Variants in DSCAM observed in about 807,000 individuals in gnomAD.
The protein encoded by DSCAM is cell adhesion molecule DSCAM.
A neutral mutation model predicts 217.7 loss-of-function variants in DSCAM; 47 were observed. That is an observed-to-expected ratio of 0.22 (90% CI 0.17 to 0.28). DSCAM has a LOEUF of 0.28. Among genes scored for constraint, DSCAM ranks in the 10% least tolerant of loss-of-function variants. DSCAM has a pLI of 1.00. For missense variants in DSCAM, 2,080 were observed against 2,618.3 expected, an observed-to-expected ratio of 0.79 and a Z score of 4.49; for synonymous variants, 1,056 against 1,015.3, an observed-to-expected ratio of 1.04 and a Z score of -0.76.
At chr21:40,773,084 C>T (rs2091460362) in intron 1 of DSCAM, among the ~76,000 whole-genome samples, 2 of 152,214 alleles carry the variant, frequency 1.3e-5, no homozygotes, top group South Asian at 2.1e-4. Flanking sequence ...GAGGCCAGTC[C>T]CCAGCTGAAA....
chr21:40,835,363 T>C (rs1231527280), intron 1 of DSCAM, among the ~76,000 whole-genome samples: 1 of 152,228 alleles, frequency 6.6e-6, no homozygotes, highest in Non-Finnish European at 1.5e-5. Flanking sequence ...TATTTTAAAC[T>C]GAAATCTTCT....
chr21:40,332,389 T>G (rs2074386807), intron 8 of DSCAM, among the ~76,000 whole-genome samples: 1 of 152,216 alleles, frequency 6.6e-6, no homozygotes, highest in Admixed American at 6.5e-5. Flanking sequence ...CTCTCTTCTA[T>G]TCTTTCCCTG....
At chr21:40,086,781 G>T (rs1293032551) in intron 22 of DSCAM, among the ~76,000 whole-genome samples, 1 of 152,132 alleles carries the variant, frequency 6.6e-6, no homozygotes, top group Non-Finnish European at 1.5e-5. Flanking sequence ...TTGAGTTATG[G>T]TTAGTTCACT....
intron 10 of DSCAM, among the ~76,000 whole-genome samples, chr21:40,283,831 A>C (rs1035422371): frequency 2.6e-5 from 4 of 152,192 alleles, no homozygotes; most frequent in African/African-American, 9.7e-5. Flanking sequence ...ATGCAAGGAG[A>C]GCTTGGTCAA....
intron 3 of DSCAM, among the ~76,000 whole-genome samples, chr21:40,542,980 T>C (rs1023261144): frequency 4.6e-5 from 7 of 152,160 alleles, no homozygotes; most frequent in Admixed American, 3.3e-4. Flanking sequence ...CTGATCACAC[T>C]GTGTGGCATT....
At chr21:40,298,241 C>A (rs1193085163) in intron 9 of DSCAM, among the ~76,000 whole-genome samples, 1 of 151,908 alleles carries the variant, frequency 6.6e-6, no homozygotes, top group Non-Finnish European at 1.5e-5. Context: ...CCATCACGCC[C>A]AGGTAATTTT....
At position 40,266,638 on chromosome 21, in the gene DSCAM, TATATATA is replaced by T. The variant is rs2073532904; in HGVS notation, c.2356+9452_2356+9458del. Among the ~76,000 whole-genome samples the T allele has an allele frequency of 5.6e-5, 6 of 106,678 alleles. 1 individual carries two copies. Among genetic ancestry groups the T allele is most frequent in the African/African-American group, 2.5e-4 (6 of 23,530 alleles). 70.0% of individuals were successfully genotyped at this position (106,678 alleles called of 152,430 possible). On this transcript the variant is annotated intron_variant, in intron 11 of 32. Transcript: ENST00000400454. ...CTGATGAATGGACAAAGATGTTTTA[TATATATA>T]TATATATATATATATATATATATAT...
intron 11 of DSCAM, among the ~76,000 whole-genome samples, chr21:40,203,994 G>A (rs534693422): frequency 6.6e-4 from 101 of 152,198 alleles, no homozygotes; most frequent in African/African-American, 2.4e-3. Flanking sequence ...ATAATATAAC[G>A]GTTGTGTCCA....
chr21:40,512,921 C>CA (rs1047418918), intron 3 of DSCAM, among the ~76,000 whole-genome samples: 16 of 152,220 alleles, frequency 1.1e-4, no homozygotes, highest in African/African-American at 3.4e-4. Context: ...TTTTTTGAGA[C>CA]AGAGTTTCAC....
chr21:40,592,827 C>A (rs2146246102), intron 3 of DSCAM, among the ~76,000 whole-genome samples: 2 of 152,220 alleles, frequency 1.3e-5, no homozygotes, highest in South Asian at 4.1e-4. Context: ...GAATATAAGC[C>A]CCATGAAGAC....
intron 22 of DSCAM, 31 bp from the exon 23 acceptor site, chr21:40,085,796 A>T: frequency 6.9e-7 from 1 of 1,445,852 alleles, no homozygotes; most frequent in South Asian, 1.6e-5. Flanking sequence ...TGCACAGATT[A>T]AAGAAATTAC....
chr21:40,171,757 A>AATTTC (rs895970755), intron 15 of DSCAM, among the ~76,000 whole-genome samples: 13 of 152,226 alleles, frequency 8.5e-5, no homozygotes, highest in South Asian at 6.2e-4. Context: ...AATTATAAAA[A>AATTTC]ATTTCCCTTC....
intron 11 of DSCAM, among the ~76,000 whole-genome samples, chr21:40,253,422 T>C (rs1275654069): frequency 6.6e-6 from 1 of 152,184 alleles, no homozygotes; most frequent in African/African-American, 2.4e-5. Context: ...TTCAGAGTGA[T>C]AGAAATGTCT....
At chr21:40,795,028 C>T (rs1278197250) in intron 1 of DSCAM, among the ~76,000 whole-genome samples, 3 of 151,364 alleles carry the variant, frequency 2.0e-5, no homozygotes, top group Non-Finnish European at 4.4e-5. Context: ...TGCACTGTGT[C>T]ATGGATCATC....
rs551134731 is a variant in DSCAM, at chr21:40,181,492, G to C, written c.2780-2398C>G. 2.0e-5 allele frequency among the ~76,000 whole-genome samples: 3 copies of C among 152,226 alleles called. No homozygotes were observed. In the East Asian group the frequency reaches 5.8e-4, roughly 29 times the overall value. ...TTAAAATTGTACAACATCCTGTCAA[G>C]GTAAGGTTTTTATTTCCTTAGTGAA... On this transcript the variant is annotated intron_variant, in intron 14 of 32. Transcript: ENST00000400454.
At chr21:40,782,007 A>AG (rs988134024) in intron 1 of DSCAM, among the ~76,000 whole-genome samples, 7 of 149,890 alleles carry the variant, frequency 4.7e-5, no homozygotes, top group East Asian at 2.0e-4. Context: ...AAAAAAAAAA[A>AG]AAAGAAAAAA....
intron 3 of DSCAM, among the ~76,000 whole-genome samples, chr21:40,390,992 T>G (rs1049979566): frequency 2.6e-5 from 4 of 152,134 alleles, no homozygotes; most frequent in Non-Finnish European, 5.9e-5. Flanking sequence ...GAAAGAAAAC[T>G]GTATCTATGG....
At chr21:40,533,179 C>T (rs960654328) in intron 3 of DSCAM, among the ~76,000 whole-genome samples, 2 of 152,208 alleles carry the variant, frequency 1.3e-5, no homozygotes, top group African/African-American at 2.4e-5. Context: ...ATAAACGCTA[C>T]CTCATTGTCT....
intron 3 of DSCAM, among the ~76,000 whole-genome samples, chr21:40,688,666 T>C (rs1376228878): frequency 6.6e-6 from 1 of 152,216 alleles, no homozygotes; most frequent in East Asian, 1.9e-4. Context: ...TGTGTGCCTG[T>C]CTCTGAAATG....
Sources: allele counts gnomAD v4.1 joint callset (sites outside exome capture counted in the v4.1 genomes callset), GRCh38; gene constraint gnomAD v4.1.1; transcripts MANE v1.5; gene names NCBI Gene and HGNC (gene_info 2026-07-23, HGNC 2026-07-21).